NPEPPS: variants seen among roughly 807,000 people sequenced by gnomAD.
NPEPPS encodes the protein puromycin-sensitive aminopeptidase.
A neutral mutation model predicts 115.5 loss-of-function variants in NPEPPS; 14 were observed. That is an observed-to-expected ratio of 0.12 (90% CI 0.08 to 0.19). The LOEUF (loss-of-function observed/expected upper bound fraction) is 0.19, where lower values mean the gene tolerates loss of function less well. Ranked by LOEUF, NPEPPS falls within the 10% of genes least tolerant of loss-of-function variation. The pLI, the probability that NPEPPS is intolerant of heterozygous loss-of-function variation, is 1.00. For synonymous variants in NPEPPS, 285 were observed against 390.6 expected (o/e 0.73, Z 3.19); for missense variants, 523 against 1,110.8 (o/e 0.47, Z 7.52).
chr17:47,588,039 A>G (rs1912296521), intron 9 of NPEPPS, among the ~76,000 whole-genome samples: 1 of 151,832 alleles, frequency 6.6e-6, no homozygotes, highest in Non-Finnish European at 1.5e-5. Context: ...CTGCAATTAA[A>G]TAACTGGATA....
chr17:47,541,435 G>T (rs1908757292), intron 1 of NPEPPS, among the ~76,000 whole-genome samples: 1 of 151,454 alleles, frequency 6.6e-6, no homozygotes, highest in African/African-American at 2.4e-5. Context: ...GGAGTGCAAT[G>T]GCGCGATTTC....
At chr17:47,565,681 G>C (rs1910765800) in intron 2 of NPEPPS, among the ~76,000 whole-genome samples, 1 of 151,898 alleles carries the variant, frequency 6.6e-6, no homozygotes, top group African/African-American at 2.4e-5. Context: ...TTAGTCGGGT[G>C]TGGTGGTGGG....
At position 47,601,704 on chromosome 17, in the gene NPEPPS, T is replaced by C; in HGVS notation, c.1697T>C (p.Met566Thr). The change falls in exon 15 of 23, where the codon ATG (methionine) becomes ACG (threonine). Residue 566 changes from methionine to threonine, a missense_variant. Physicochemically the swap from Met to Thr is moderately conservative, Grantham distance 81. Coordinates refer to ENST00000322157, the MANE Select transcript of NPEPPS (RefSeq NM_006310.4). ...KLKILMDKPE[M>T]NVVLKNVKPD... is the part of the protein sequence containing the mutation. ...AAAATTCTAATGGACAAGCCAGAGATGAATGTGGTTTTGAAAAATGTCAAA... is the reference window on the plus strand; with the variant it reads ...AAAATTCTAATGGACAAGCCAGAGACGAATGTGGTTTTGAAAAATGTCAAA... 1 of 1,613,560 alleles carries C rather than the reference T, an allele frequency of 6.2e-7. No homozygotes were observed. The highest frequency in any genetic ancestry group is 1.1e-5 in the South Asian group (1 of 91,034).
At position 47,546,073 on chromosome 17, in the gene NPEPPS, T is replaced by TGTGTGTGAGAGAGA. The variant is rs148357525; in HGVS notation, c.340+81_340+82insTGTGTGAGAGAGAG. On this transcript the variant is annotated intron_variant, in intron 2 of 22. Coordinates refer to ENST00000322157, the MANE Select transcript of NPEPPS (RefSeq NM_006310.4). Reference sequence around the variant, plus strand: ...GTGTGTGTGTGTGTGTGTGTGTGTGTGAGAGAGAGAGAGAGAGAGACATTT... The same window carrying TGTGTGTGAGAGAGA: ...GTGTGTGTGTGTGTGTGTGTGTGTGTGTGTGTGAGAGAGAGAGAGAGAGAGAGAGAGAGACATTT... 1.1e-4 allele frequency: 139 copies of TGTGTGTGAGAGAGA among 1,265,626 alleles called. 1 individual carries two copies. In the East Asian group the frequency reaches 1.4e-3, roughly 13 times the overall value. The allele number at this position is 1,265,626 out of a possible 1,614,324, so 78.4% of individuals were successfully genotyped here.
At position 47,579,397 on chromosome 17, in the gene NPEPPS, A is replaced by G; in HGVS notation, c.426A>G (p.Gly142=). The change falls in exon 4 of 23, where the codon GGA becomes GGG. Residue 142 remains glycine, a synonymous_variant. Coordinates refer to ENST00000322157, the MANE Select transcript of NPEPPS (RefSeq NM_006310.4). The part of the protein sequence containing the change: ...SFPSTLQTGT[G]TLKIDFVGEL... Reference sequence around the variant, plus strand: ...ATTTATCTTCAATCACAGGTACGGGAACCTTAAAGATAGATTTTGTTGGAG... The same window carrying G: ...ATTTATCTTCAATCACAGGTACGGGGACCTTAAAGATAGATTTTGTTGGAG... 6.2e-7 allele frequency: 1 copy of G among 1,603,352 alleles called. No homozygotes were observed. Among genetic ancestry groups the G allele is most frequent in the Admixed American group, 1.7e-5 (1 of 57,578 alleles).
chr17:47,526,167 G>A (rs974705944), upstream of NPEPPS, among the ~76,000 whole-genome samples: 5 of 152,136 alleles, frequency 3.3e-5, no homozygotes, highest in Non-Finnish European at 7.4e-5. Context: ...AGCTGAGATT[G>A]TGCCATTGCA....
At chr17:47,536,474 C>T (rs1908280169) in intron 1 of NPEPPS, among the ~76,000 whole-genome samples, 1 of 149,646 alleles carries the variant, frequency 6.7e-6, no homozygotes, top group South Asian at 2.1e-4. Flanking sequence ...CTCACCGCAG[C>T]CTCTGCCCCC....
rs943002136 is a variant in NPEPPS, at chr17:47,585,422, C to G, written c.649-78C>G. 2.2e-5 allele frequency: 21 copies of G among 949,198 alleles called. No individual in the cohort carries two copies. The African/African-American group carries it at 3.5e-4, about 16-fold the overall frequency. The allele number at this position is 949,198 out of a possible 1,614,324, so 58.8% of individuals were successfully genotyped here. On this transcript the variant is annotated intron_variant, in intron 5 of 22. Transcript: ENST00000322157. ...AAGGGGTAAAGAGATGCAATAAAGCCTACAGTTTTTGGCTGGTATTTGCTC... is the reference window on the plus strand; with the variant it reads ...AAGGGGTAAAGAGATGCAATAAAGCGTACAGTTTTTGGCTGGTATTTGCTC...
At chr17:47,565,598 T>A (rs1910759181) in intron 2 of NPEPPS, among the ~76,000 whole-genome samples, 1 of 149,486 alleles carries the variant, frequency 6.7e-6, no homozygotes, top group Admixed American at 6.7e-5. Context: ...GGCAGGAGGA[T>A]CGCTTGAGCT....
At chr17:47,596,911 G>C (rs1912912038) in intron 13 of NPEPPS, among the ~76,000 whole-genome samples, 1 of 152,186 alleles carries the variant, frequency 6.6e-6, no homozygotes, top group Non-Finnish European at 1.5e-5. Context: ...AGCTGAGCAT[G>C]GTGGCACACA....
At chr17:47,554,411 G>C (rs546327948) in intron 2 of NPEPPS, among the ~76,000 whole-genome samples, 1 of 151,884 alleles carries the variant, frequency 6.6e-6, no homozygotes, top group Non-Finnish European at 1.5e-5. Context: ...GCCCAGGTTG[G>C]AGTGCAGTGG....
At chr17:47,550,810 A>T (rs1302734226) in intron 2 of NPEPPS, among the ~76,000 whole-genome samples, 1 of 151,768 alleles carries the variant, frequency 6.6e-6, no homozygotes, top group Non-Finnish European at 1.5e-5. Flanking sequence ...TATTTTTAGT[A>T]GAGACAGGGT....
intron 17 of NPEPPS, among the ~76,000 whole-genome samples, chr17:47,610,447 G>A (rs1913781114): frequency 6.6e-6 from 1 of 151,078 alleles, no homozygotes; most frequent in South Asian, 2.1e-4. Flanking sequence ...GCAGTGGTGC[G>A]ATCTCGGCTC....
intron 8 of NPEPPS, chr17:47,587,020 CT>C (rs1912233610): frequency 2.1e-6 from 1 of 474,060 alleles, no homozygotes; most frequent in East Asian, 4.1e-5. Flanking sequence ...GATAATTAAA[CT>C]TGTGTCACAT....
At chr17:47,549,963 C>G (rs1909519688) in intron 2 of NPEPPS, among the ~76,000 whole-genome samples, 1 of 146,710 alleles carries the variant, frequency 6.8e-6, no homozygotes, top group African/African-American at 2.5e-5. Context: ...GAGATGGAGT[C>G]TCGCTCTGTC....
chr17:47,564,553 GC>G (rs1290693850), intron 2 of NPEPPS, among the ~76,000 whole-genome samples: 1 of 151,330 alleles, frequency 6.6e-6, no homozygotes, highest in African/African-American at 2.4e-5. Context: ...TATGTACAAT[GC>G]TTAATTTACA....
intron 18 of NPEPPS, among the ~76,000 whole-genome samples, chr17:47,613,279 T>C (rs113711727): frequency 6.0e-3 from 866 of 143,694 alleles, no homozygotes; most frequent in African/African-American, 9.8e-3. Flanking sequence ...TTTTTTTTTT[T>C]TTCTGAGACG....
chr17:47,534,332 G>A (rs987735362), intron 1 of NPEPPS, among the ~76,000 whole-genome samples: 4 of 152,064 alleles, frequency 2.6e-5, no homozygotes, highest in Non-Finnish European at 1.5e-5. Context: ...GCCCGCCTTG[G>A]CCTCCTAAAG....
At chr17:47,535,620 A>G (rs1323986793) in intron 1 of NPEPPS, among the ~76,000 whole-genome samples, 1 of 149,298 alleles carries the variant, frequency 6.7e-6, no homozygotes, top group Non-Finnish European at 1.5e-5. Flanking sequence ...AAAATTTGTT[A>G]TTATACAGAA....
Sources: gnomAD v4.1 joint callset for allele counts (sites outside exome capture counted in the v4.1 genomes callset) on GRCh38, gnomAD v4.1.1 for gene constraint, MANE v1.5 for transcripts, NCBI Gene and HGNC (gene_info 2026-07-23, HGNC 2026-07-21) for gene names.